MTSS1: variants seen among roughly 807,000 people sequenced by gnomAD.
MTSS1 encodes the protein protein MTSS 1.
MTSS1 carries 18 observed loss-of-function variants against 79.0 expected under a neutral mutation model. The ratio of observed to expected loss-of-function variants is 0.23; its 90% confidence interval spans 0.16 to 0.34. MTSS1 has a LOEUF of 0.34. Among genes scored for constraint, MTSS1 ranks in the 10% least tolerant of loss-of-function variants. MTSS1 has a pLI of 1.00. For synonymous variants in MTSS1, 341 were observed against 368.6 expected (o/e 0.93, Z 0.86); for missense variants, 815 against 986.2 (o/e 0.83, Z 2.33).
At chr8:124,555,122 A>G (rs1823316487) in intron 13 of MTSS1, among the ~76,000 whole-genome samples, 1 of 152,266 alleles carries the variant, frequency 6.6e-6, no homozygotes, top group African/African-American at 2.4e-5. Context: ...TTGAGATTAC[A>G]GGCGTAAGCC....
chr8:124,617,796 A>T (rs1563869846), intron 3 of MTSS1, among the ~76,000 whole-genome samples: 1 of 152,232 alleles, frequency 6.6e-6, no homozygotes, highest in Non-Finnish European at 1.5e-5. Context: ...CGCTTGAAGT[A>T]GTAACCTGGT....
At chr8:124,599,568 G>C (rs190684234) in intron 3 of MTSS1, among the ~76,000 whole-genome samples, 1 of 151,890 alleles carries the variant, frequency 6.6e-6, no homozygotes, top group East Asian at 1.9e-4. Flanking sequence ...TTTGGTTCCT[G>C]GGCACATAAC....
At chr8:124,579,913 A>G (rs1829707048) in intron 6 of MTSS1, 1 of 152,456 alleles carries the variant, frequency 6.6e-6, no homozygotes, top group Admixed American at 6.5e-5. Context: ...TTTTGGCAGC[A>G]TGATCATCCA....
chr8:124,606,740 G>A (rs867908736), intron 3 of MTSS1, among the ~76,000 whole-genome samples: 1 of 151,206 alleles, frequency 6.6e-6, no homozygotes, highest in East Asian at 2.0e-4. Flanking sequence ...GATTCAAACC[G>A]TGCTGTCGCC....
chr8:124,644,178 A>G (rs1192343353), intron 3 of MTSS1, among the ~76,000 whole-genome samples: 1 of 152,218 alleles, frequency 6.6e-6, no homozygotes, highest in East Asian at 1.9e-4. Flanking sequence ...TTTGTGCCAA[A>G]AGAAAAAAAA....
rs565632120 is a variant in MTSS1 at position 124,680,390 on chromosome 8, C to G, written c.208+19136G>C. Among the ~76,000 whole-genome samples the G allele has an allele frequency of 3.4e-3, 518 of 152,344 alleles. 2 individuals carry two copies. The highest frequency in any genetic ancestry group is 0.012 in the African/African-American group (505 of 41,576). The stretch of plus-strand genomic sequence containing the variant: ...GATGTCAAAGCTCCAGGGGCCACTG[C>G]CAGCCAGAGCTGCTGCCTCTGCTCT... On this transcript the variant is annotated intron_variant, in intron 3 of 13. Transcript: ENST00000518547.
At position 124,661,944 on chromosome 8, in the gene MTSS1, A is replaced by G. The variant is rs3857952; in HGVS notation, c.208+37582T>C. Among the ~76,000 whole-genome samples, 185 of 152,286 alleles carry G rather than the reference A, an allele frequency of 1.2e-3. 5 individuals are homozygous for G. In the East Asian group the frequency reaches 0.033, roughly 27 times the overall value. Reference sequence around the variant, plus strand: ...ACGTCCTTTGTGTCTAGCAGATAGGAGAGGCTCAAGATGGCTCTCACCCAT... The same window carrying G: ...ACGTCCTTTGTGTCTAGCAGATAGGGGAGGCTCAAGATGGCTCTCACCCAT... On this transcript the variant is annotated intron_variant, in intron 3 of 13. Transcript: ENST00000518547.
intron 3 of MTSS1, among the ~76,000 whole-genome samples, chr8:124,694,142 A>C (rs921385784): frequency 1.3e-5 from 2 of 152,158 alleles, no homozygotes; most frequent in African/African-American, 2.4e-5. Flanking sequence ...CAGAATCAAA[A>C]TGGGATCAAA....
chr8:124,642,728 G>C (rs893545179), intron 3 of MTSS1, among the ~76,000 whole-genome samples: 13 of 152,230 alleles, frequency 8.5e-5, no homozygotes, highest in African/African-American at 3.1e-4. Context: ...AAGTAGCTGA[G>C]ATTACAGGTG....
chr8:124,605,759 G>T (rs911834658), intron 3 of MTSS1, among the ~76,000 whole-genome samples: 23 of 152,094 alleles, frequency 1.5e-4, no homozygotes, highest in South Asian at 2.1e-4. Flanking sequence ...CCTTTAAGAG[G>T]TTTCTGTACA....
intron 3 of MTSS1, among the ~76,000 whole-genome samples, chr8:124,615,620 G>C (rs964553684): frequency 6.6e-6 from 1 of 152,130 alleles, no homozygotes; most frequent in Non-Finnish European, 1.5e-5. Flanking sequence ...TTTTGCAAGA[G>C]GAAAAAGTCC....
intron 9 of MTSS1, chr8:124,563,450 G>A (rs1260708527): frequency 5.1e-6 from 1 of 195,502 alleles, no homozygotes; most frequent in Admixed American, 5.3e-5. Flanking sequence ...GAATGTTCTT[G>A]GATGGACCAT....
intron 3 of MTSS1, among the ~76,000 whole-genome samples, chr8:124,686,006 C>T (rs561339424): frequency 3.3e-5 from 5 of 152,338 alleles, no homozygotes; most frequent in East Asian, 1.9e-4. Flanking sequence ...AGGAGCACCA[C>T]GACCTCTCAT....
chr8:124,578,690 G>A (rs567094105), intron 6 of MTSS1, among the ~76,000 whole-genome samples: 118 of 152,268 alleles, frequency 7.7e-4, no homozygotes, highest in African/African-American at 2.7e-3. Flanking sequence ...AGCTACTTGG[G>A]AGGCTGAGGC....
intron 3 of MTSS1, among the ~76,000 whole-genome samples, chr8:124,686,647 T>C (rs536374615): frequency 4.9e-4 from 74 of 152,280 alleles, no homozygotes; most frequent in Non-Finnish European, 8.5e-4. Flanking sequence ...CCAGGGCTGA[T>C]CTCAATACAC....
rs563817323 is a variant in MTSS1 at position 124,559,255 on chromosome 8, T to G, written c.1036-1380A>C. ...CCAGGGAGGCCCCGCCTGTCACCTC[T>G]CTTATGTGCATAGGTGTTATTTATT... On this transcript the variant is annotated intron_variant, in intron 10 of 13. Transcript: ENST00000518547. Among the ~76,000 whole-genome samples, 10 of 152,244 alleles carry G rather than the reference T, an allele frequency of 6.6e-5. No individual in the cohort carries two copies. In the South Asian group the frequency reaches 2.1e-3, roughly 32 times the overall value.
At chr8:124,680,464 G>C (rs144326582) in intron 3 of MTSS1, among the ~76,000 whole-genome samples, 158 of 152,300 alleles carry the variant, frequency 1.0e-3, no homozygotes, top group African/African-American at 3.6e-3. Flanking sequence ...AGTCCCAGGG[G>C]AGAGCACACT....
At chr8:124,558,770 G>A in intron 10 of MTSS1, 1 of 1,584,230 alleles carries the variant, frequency 6.3e-7, no homozygotes, top group South Asian at 1.1e-5. Context: ...AGGTGGGGGA[G>A]CTGCACTCGC....
Position 124,567,074 on chromosome 8 carries a change from T to C in MTSS1, c.723A>G (p.Glu241=), listed in dbSNP as rs751928019. ...GTGCTTAACCCCTGAAGCCTACCTG[T>C]TCACTTGAGGAGGGCAGTTTGTGAG... The part of the protein sequence containing the change: ...MDPHKLPSSS[E]QVILDLKGSD... Residue 241 remains glutamate, a synonymous_variant, in exon 8 of 14, where the codon GAA becomes GAG. Transcript: ENST00000518547. 1 of 1,609,324 alleles carries C rather than the reference T, an allele frequency of 6.2e-7. No homozygotes were observed. The highest frequency in any genetic ancestry group is 8.5e-7 in the Non-Finnish European group (1 of 1,175,570).
Sources: allele counts gnomAD v4.1 joint callset (sites outside exome capture counted in the v4.1 genomes callset), GRCh38; gene constraint gnomAD v4.1.1; transcripts MANE v1.5; gene names NCBI Gene and HGNC (gene_info 2026-07-23, HGNC 2026-07-21).